Variants in CNTNAP2 observed in about 807,000 individuals in gnomAD.
CNTNAP2 encodes the protein contactin associated protein 2.
CNTNAP2 carries 98 observed loss-of-function variants against 155.2 expected under a neutral mutation model. The ratio of observed to expected loss-of-function variants is 0.63; its 90% CI spans 0.54 to 0.75. CNTNAP2 has a LOEUF of 0.75. Among genes scored for constraint, CNTNAP2 ranks in the 30% least tolerant of loss-of-function variants. The pLI is 0.00. For synonymous variants in CNTNAP2, 651 were observed against 631.2 expected (o/e 1.03, Z -0.47); for missense variants, 1,727 against 1,688.1 (o/e 1.02, Z -0.40).
rs989910965 is a variant in CNTNAP2 at position 147,270,354 on chromosome 7, A to G, written c.1349-29787A>G. Among the ~76,000 whole-genome samples the G allele has an allele frequency of 1.4e-4, 21 of 152,354 alleles. No individual in the cohort carries two copies. In the East Asian group the frequency reaches 4.1e-3, roughly 29 times the overall value. On this transcript the variant is annotated intron_variant, in intron 8 of 23. Coordinates refer to ENST00000361727, the MANE Select transcript of CNTNAP2 (RefSeq NM_014141.6). ...TTTGTATGACAAAAAAGGATGCAGG[A>G]TATCTCATTACAAACTTTCATATTG... is the stretch of plus-strand genomic sequence containing the variant.
intron 13 of CNTNAP2, among the ~76,000 whole-genome samples, chr7:147,880,865 G>GTGTGTA (rs1799508148): frequency 9.8e-6 from 1 of 102,030 alleles, no homozygotes; most frequent in African/African-American, 4.6e-5. Flanking sequence ...GTGTGTGTGT[G>GTGTGTA]TGTGTGTGTG....
chr7:146,776,493 C>T (rs1802392287), intron 2 of CNTNAP2, among the ~76,000 whole-genome samples: 3 of 152,086 alleles, frequency 2.0e-5, no homozygotes, highest in Admixed American at 2.0e-4. Context: ...AACCCATTTC[C>T]ATATAAGACC....
intron 13 of CNTNAP2, among the ~76,000 whole-genome samples, chr7:147,744,266 T>C (rs946149044): frequency 6.6e-6 from 1 of 152,178 alleles, no homozygotes; most frequent in African/African-American, 2.4e-5. Context: ...ATATGAGCCA[T>C]CTGCCCCTTT....
At chr7:147,876,838 C>T (rs1373486419) in intron 13 of CNTNAP2, among the ~76,000 whole-genome samples, 1 of 152,028 alleles carries the variant, frequency 6.6e-6, no homozygotes, top group Non-Finnish European at 1.5e-5. Flanking sequence ...TGTGGGCTTG[C>T]AAGAACAGGA....
intron 1 of CNTNAP2, among the ~76,000 whole-genome samples, chr7:146,445,384 C>T (rs1465289715): frequency 6.6e-6 from 1 of 152,156 alleles, no homozygotes; most frequent in African/African-American, 2.4e-5. Context: ...ATGCTTGCCT[C>T]TTCTTATGAC....
intron 3 of CNTNAP2, among the ~76,000 whole-genome samples, chr7:147,010,879 T>A (rs1584781651): frequency 6.6e-6 from 1 of 151,752 alleles, no homozygotes; most frequent in Non-Finnish European, 1.5e-5. Context: ...TAAATGTACC[T>A]CCCCCCGCCC....
chr7:146,450,303 A>C (rs1397116415), intron 1 of CNTNAP2, among the ~76,000 whole-genome samples: 2 of 152,096 alleles, frequency 1.3e-5, no homozygotes, highest in African/African-American at 4.8e-5. Flanking sequence ...ATAGCATACC[A>C]CCCCAAATCT....
chr7:146,258,424 G>A (rs1288798021), intron 1 of CNTNAP2, among the ~76,000 whole-genome samples: 1 of 151,932 alleles, frequency 6.6e-6, no homozygotes, highest in Non-Finnish European at 1.5e-5. Context: ...TTCAGAAAAT[G>A]CAATCATTTA....
At chr7:147,207,295 A>G (rs1418276014) in intron 8 of CNTNAP2, among the ~76,000 whole-genome samples, 4 of 152,014 alleles carry the variant, frequency 2.6e-5, no homozygotes, top group African/African-American at 9.7e-5. Flanking sequence ...AAATGCCAAT[A>G]CTCTTCAGTG....
At chr7:148,271,483 G>A (rs775583379) in intron 21 of CNTNAP2, among the ~76,000 whole-genome samples, 13 of 152,248 alleles carry the variant, frequency 8.5e-5, no homozygotes, top group Non-Finnish European at 1.8e-4. Context: ...CAGGCTTCAA[G>A]CTACTCAGCG....
chr7:146,970,401 G>T (rs1273319133), intron 3 of CNTNAP2, among the ~76,000 whole-genome samples: 1 of 151,958 alleles, frequency 6.6e-6, no homozygotes, highest in African/African-American at 2.4e-5. Context: ...GTGGGCAAAG[G>T]ACATGAACAG....
At position 146,353,873 on chromosome 7, in the gene CNTNAP2, C is replaced by A. The variant is rs185040814; in HGVS notation, c.97+236900C>A. 6.4e-3 allele frequency among the ~76,000 whole-genome samples: 968 copies of A among 151,962 alleles called. 8 individuals are homozygous for A. Among genetic ancestry groups the A allele is most frequent in the South Asian group, 9.8e-3 (47 of 4,796 alleles). On this transcript the variant is annotated intron_variant, in intron 1 of 23. Coordinates refer to ENST00000361727, the MANE Select transcript of CNTNAP2 (RefSeq NM_014141.6). ...GAATAAGATAATACATGGCAACAAA[C>A]CTTTATTTAAATTGATTTACAATTT...
intron 12 of CNTNAP2, among the ~76,000 whole-genome samples, chr7:147,628,010 T>C (rs929224413): frequency 1.3e-5 from 2 of 151,636 alleles, no homozygotes; most frequent in Admixed American, 1.3e-4. Flanking sequence ...CTAAGTATAG[T>C]TGGTTTTCTG....
At chr7:146,434,195 G>A (rs1796210262) in intron 1 of CNTNAP2, among the ~76,000 whole-genome samples, 1 of 152,104 alleles carries the variant, frequency 6.6e-6, no homozygotes, top group Non-Finnish European at 1.5e-5. Context: ...TAAATCTGCA[G>A]AAGCTATTCA....
At chr7:147,997,068 G>T (rs371992863) in intron 15 of CNTNAP2, among the ~76,000 whole-genome samples, 2 of 152,286 alleles carry the variant, frequency 1.3e-5, no homozygotes, top group East Asian at 3.9e-4. Context: ...AAGCCAAAAA[G>T]TAGACCTTCA....
chr7:146,425,305 G>A (rs1796072174), intron 1 of CNTNAP2, among the ~76,000 whole-genome samples: 1 of 152,056 alleles, frequency 6.6e-6, no homozygotes, highest in Non-Finnish European at 1.5e-5. Flanking sequence ...ATTTTGTTAG[G>A]AGAAGAAAAG....
At chr7:147,344,247 A>G (rs1795810875) in intron 9 of CNTNAP2, among the ~76,000 whole-genome samples, 1 of 152,086 alleles carries the variant, frequency 6.6e-6, no homozygotes, top group Non-Finnish European at 1.5e-5. Context: ...ATCACCCAAA[A>G]TTCTACCCAC....
intron 3 of CNTNAP2, among the ~76,000 whole-genome samples, chr7:146,961,742 G>A (rs1797561364): frequency 2.6e-5 from 4 of 152,086 alleles, no homozygotes; most frequent in Admixed American, 2.6e-4. Flanking sequence ...CCAGAAATAG[G>A]GAAATGTATG....
chr7:146,346,940 A>T (rs1361140168), intron 1 of CNTNAP2, among the ~76,000 whole-genome samples: 1 of 150,740 alleles, frequency 6.6e-6, no homozygotes, highest in Non-Finnish European at 1.5e-5. Flanking sequence ...ATTGTTTTTT[A>T]TTTTATTTTT....
Sources: gnomAD v4.1 joint callset for allele counts (sites outside exome capture counted in the v4.1 genomes callset) on GRCh38, gnomAD v4.1.1 for gene constraint, MANE v1.5 for transcripts, NCBI Gene and HGNC (gene_info 2026-07-23, HGNC 2026-07-21) for gene names.